Variants in SLC17A8 observed in about 807,000 individuals in gnomAD.
The protein encoded by SLC17A8 is solute carrier family 17 member 8, also known as vesicular glutamate transporter 3.
SLC17A8 carries 31 observed loss-of-function variants against 58.0 expected under a neutral mutation model. That is an observed-to-expected ratio of 0.53 (90% CI 0.40 to 0.72). SLC17A8 has a LOEUF of 0.72. Among genes scored for constraint, SLC17A8 ranks in the 30% least tolerant of loss-of-function variants. The probability of loss-of-function intolerance (pLI) is 0.00; values close to 1 mark genes in which losing one functional copy is unlikely to be tolerated. For missense variants in SLC17A8, 655 were observed against 727.8 expected (o/e 0.90, Z 1.15); for synonymous variants, 228 against 249.0 (o/e 0.92, Z 0.79).
chr12:100,362,486 T>C (rs1566384219), intron 1 of SLC17A8, among the ~76,000 whole-genome samples: 1 of 152,170 alleles, frequency 6.6e-6, no homozygotes, highest in Admixed American at 6.5e-5. Flanking sequence ...TGCCTTGGCC[T>C]CCCAAAGTGC....
intron 9 of SLC17A8, among the ~76,000 whole-genome samples, chr12:100,409,242 G>A (rs1952849471): frequency 6.6e-6 from 1 of 151,944 alleles, no homozygotes; most frequent in Admixed American, 6.6e-5. Context: ...CTGGAGTGCA[G>A]TGGTGCAATC....
rs891414110 is a variant in SLC17A8, at chr12:100,387,205, C to T, written c.355-3796C>T. 8.5e-5 allele frequency among the ~76,000 whole-genome samples: 13 copies of T among 152,256 alleles called. 1 individual carries two copies. The highest frequency in any genetic ancestry group is 2.9e-4 in the African/African-American group (12 of 41,560). On this transcript the variant is annotated intron_variant, in intron 2 of 11. Coordinates refer to ENST00000323346, the MANE Select transcript of SLC17A8 (RefSeq NM_139319.3). The stretch of plus-strand genomic sequence containing the variant: ...CTGTACTGTTTCCATGGTGGCTGCA[C>T]CCATTCCCACCAACAGTATATAAGG...
intron 6 of SLC17A8, 55 bp from the exon 7 acceptor site, chr12:100,402,285 T>C: frequency 1.2e-6 from 2 of 1,604,364 alleles, no homozygotes; most frequent in Non-Finnish European, 8.5e-7. Context: ...TTGAAAAATT[T>C]AGAAACGGAA....
intron 5 of SLC17A8, 95 bp from the exon 6 acceptor site, chr12:100,401,682 T>G: frequency 9.6e-7 from 1 of 1,038,122 alleles, no homozygotes; most frequent in South Asian, 1.3e-5. Flanking sequence ...CCTGCTCAGT[T>G]TGATTAATTC....
At chr12:100,409,195 A>G (rs142093565) in intron 9 of SLC17A8, among the ~76,000 whole-genome samples, 151 of 145,754 alleles carry the variant, frequency 1.0e-3, no homozygotes, top group Non-Finnish European at 2.0e-3. Flanking sequence ...GTATGTATGT[A>G]TGTATTTAGA....
At chr12:100,403,234 T>C (rs1952804059) in intron 8 of SLC17A8, among the ~76,000 whole-genome samples, 1 of 152,102 alleles carries the variant, frequency 6.6e-6, no homozygotes. Flanking sequence ...CCCAGCATTT[T>C]GGGAAGCCAA....
chr12:100,374,365 A>G (rs1952579628), intron 1 of SLC17A8, among the ~76,000 whole-genome samples: 1 of 152,018 alleles, frequency 6.6e-6, no homozygotes, highest in Admixed American at 6.6e-5. Context: ...TAATCCCAAC[A>G]CTCTGGGAGA....
intron 2 of SLC17A8, among the ~76,000 whole-genome samples, chr12:100,389,903 C>A (rs1324246612): frequency 1.3e-5 from 2 of 151,894 alleles, no homozygotes; most frequent in African/African-American, 4.8e-5. Flanking sequence ...TCACTACAAC[C>A]TCTGCCTCTT....
intron 11 of SLC17A8, 103 bp from the exon 12 acceptor site, chr12:100,419,712 T>C (rs1278203013): frequency 1.7e-6 from 2 of 1,178,454 alleles, no homozygotes; most frequent in Admixed American, 3.7e-5. Context: ...GAGCATCACC[T>C]TCCAAATGGG....
chr12:100,406,617 C>A (rs1044166405), intron 9 of SLC17A8, among the ~76,000 whole-genome samples: 3 of 151,596 alleles, frequency 2.0e-5, no homozygotes, highest in African/African-American at 7.3e-5. Context: ...CTCACTGCAA[C>A]CTCCGCCTCT....
intron 2 of SLC17A8, 142 bp downstream of exon 2, chr12:100,381,095 C>T: frequency 1.1e-6 from 1 of 904,222 alleles, no homozygotes; most frequent in East Asian, 2.4e-5. Context: ...TCTCAGCATC[C>T]TCCCATTTCA....
intron 1 of SLC17A8, among the ~76,000 whole-genome samples, chr12:100,373,882 C>G (rs1167006292): frequency 1.3e-5 from 2 of 152,160 alleles, no homozygotes; most frequent in Admixed American, 6.5e-5. Flanking sequence ...AGCCACTGTG[C>G]CTGGCCCAAA....
chr12:100,411,650 A>G (rs1952868461), intron 9 of SLC17A8, among the ~76,000 whole-genome samples: 1 of 152,090 alleles, frequency 6.6e-6, no homozygotes, highest in Non-Finnish European at 1.5e-5. Context: ...GGCACTCTAT[A>G]TACTTGGAAA....
At chr12:100,374,569 G>A (rs1433848782) in intron 1 of SLC17A8, among the ~76,000 whole-genome samples, 2 of 152,070 alleles carry the variant, frequency 1.3e-5, no homozygotes, top group African/African-American at 2.4e-5. Flanking sequence ...CCAAGATTGC[G>A]CCACTGCACT....
At chr12:100,371,638 C>T (rs536410488) in intron 1 of SLC17A8, among the ~76,000 whole-genome samples, 11 of 152,304 alleles carry the variant, frequency 7.2e-5, no homozygotes, top group African/African-American at 2.6e-4. Flanking sequence ...ACCGCCACCT[C>T]CCAGGTTCAA....
In SLC17A8 at chr12:100,399,675, C is replaced by A. The variant is rs576664736; in HGVS notation, c.677-2102C>A. Among the ~76,000 whole-genome samples, 49 of 152,134 alleles carry A rather than the reference C, an allele frequency of 3.2e-4. No homozygotes were observed. In the South Asian group the frequency reaches 1.0e-2, roughly 31 times the overall value. On this transcript the variant is annotated intron_variant, in intron 5 of 11. Transcript: ENST00000323346. ...CTCACTCACTATCGTAAGAACAGCA[C>A]GGGGGAAATCCGCCCCCATGACCCA...
chr12:100,376,331 T>A (rs2135980889), intron 1 of SLC17A8, among the ~76,000 whole-genome samples: 2 of 152,290 alleles, frequency 1.3e-5, no homozygotes, highest in East Asian at 3.9e-4. Flanking sequence ...TGGGCATCTC[T>A]CAGTCCAGAG....
intron 2 of SLC17A8, among the ~76,000 whole-genome samples, chr12:100,386,268 C>A (rs1402452458): frequency 1.3e-5 from 2 of 151,826 alleles, no homozygotes; most frequent in Non-Finnish European, 2.9e-5. Context: ...ATATACAGGG[C>A]CATTTTTTTA....
At chr12:100,403,826 A>G (rs180748408) in intron 8 of SLC17A8, among the ~76,000 whole-genome samples, 13 of 152,274 alleles carry the variant, frequency 8.5e-5, no homozygotes, top group African/African-American at 2.6e-4. Flanking sequence ...GGAGCTTCCA[A>G]TCTGGTAGAG....
Sources: allele counts gnomAD v4.1 joint callset (sites outside exome capture counted in the v4.1 genomes callset), GRCh38; gene constraint gnomAD v4.1.1; transcripts MANE v1.5; gene names NCBI Gene and HGNC (gene_info 2026-07-23, HGNC 2026-07-21).